The following SHANK2 variants were observed in gnomAD, a reference collection of about 807,000 sequenced individuals.
SHANK2 encodes SH3 and multiple ankyrin repeat domains protein 2.
A neutral mutation model predicts 133.7 loss-of-function variants in SHANK2; 43 were observed. The observed-to-expected ratio is 0.32, with a 90% confidence interval of 0.25 to 0.41. The LOEUF (loss-of-function observed/expected upper bound fraction) is 0.41, where lower values mean the gene tolerates loss of function less well. SHANK2 is among the 10% of genes least tolerant of loss of function. SHANK2 has a pLI of 1.00. For synonymous variants in SHANK2, 1,017 were observed against 952.8 expected (o/e 1.07, Z -1.24); for missense variants, 1,994 against 2,235.8 (o/e 0.89, Z 2.18).
At chr11:70,518,002 C>T (rs1490927989) in intron 17 of SHANK2, among the ~76,000 whole-genome samples, 4 of 152,128 alleles carry the variant, frequency 2.6e-5, no homozygotes, top group African/African-American at 9.7e-5. Context: ...CATTTTTCCC[C>T]ATAAACTCCT....
At chr11:70,691,500 G>A (rs928212962) in intron 15 of SHANK2, among the ~76,000 whole-genome samples, 8 of 152,176 alleles carry the variant, frequency 5.3e-5, no homozygotes, top group African/African-American at 1.7e-4. Flanking sequence ...GGAAGAGCTG[G>A]GCCATCTGTG....
At chr11:71,084,477 G>A (rs1031291349) in intron 8 of SHANK2, among the ~76,000 whole-genome samples, 2 of 152,212 alleles carry the variant, frequency 1.3e-5, no homozygotes, top group African/African-American at 4.8e-5. Flanking sequence ...CAGCATCTGT[G>A]AGCAGGCCTG....
chr11:70,815,569 C>A (rs1363909224), intron 12 of SHANK2, among the ~76,000 whole-genome samples: 2 of 152,222 alleles, frequency 1.3e-5, no homozygotes, highest in Non-Finnish European at 2.9e-5. Context: ...CCAGGCTGGG[C>A]CCGGTGAGCT....
Position 70,483,308 on chromosome 11 carries a change from A to G in SHANK2, c.4979+2006T>C, listed in dbSNP as rs138036801. Among the ~76,000 whole-genome samples, 812 of 152,266 alleles carry G rather than the reference A, an allele frequency of 5.3e-3. 10 individuals carry two copies. Among genetic ancestry groups the G allele is most frequent in the African/African-American group, 0.018 (744 of 41,550 alleles). On this transcript the variant is annotated intron_variant, in intron 25 of 25. Transcript: ENST00000601538. ...AGAAAGTGTTTTGTAAAAATGTGAA[A>G]CACTAAGATAAGGCCTCTTTAATTA...
chr11:70,837,938 C>T (rs1299232744), intron 11 of SHANK2, among the ~76,000 whole-genome samples: 2 of 131,306 alleles, frequency 1.5e-5, no homozygotes, highest in African/African-American at 5.9e-5. Flanking sequence ...GGTGCCATTG[C>T]ACTCCAGCCT....
intron 17 of SHANK2, among the ~76,000 whole-genome samples, chr11:70,636,761 TG>T (rs1302443009): frequency 1.3e-5 from 2 of 151,048 alleles, no homozygotes; most frequent in Admixed American, 6.6e-5. Context: ...TGTGTGAGCA[TG>T]TGTGTGAGCA....
intron 14 of SHANK2, among the ~76,000 whole-genome samples, chr11:70,752,764 A>T (rs747675820): frequency 6.6e-6 from 1 of 151,690 alleles, no homozygotes; most frequent in Non-Finnish European, 1.5e-5. Context: ...TAACCTAACC[A>T]GTATAATAAT....
chr11:70,904,704 C>T (rs1555077527), intron 10 of SHANK2, among the ~76,000 whole-genome samples: 2 of 152,046 alleles, frequency 1.3e-5, no homozygotes, highest in African/African-American at 4.8e-5. Flanking sequence ...GATGGGGTTT[C>T]ACCATGTTAG....
At chr11:70,838,349 C>T (rs1308867940) in intron 11 of SHANK2, among the ~76,000 whole-genome samples, 5 of 152,216 alleles carry the variant, frequency 3.3e-5, no homozygotes, top group Non-Finnish European at 4.4e-5. Flanking sequence ...TTGCACATTG[C>T]ATTTTCCTTC....
At chr11:70,488,861 G>T (rs368017378) in intron 24 of SHANK2, among the ~76,000 whole-genome samples, 1 of 152,218 alleles carries the variant, frequency 6.6e-6, no homozygotes, top group Non-Finnish European at 1.5e-5. Context: ...CAGCCAGCAG[G>T]GTGGCCTGAG....
chr11:70,560,220 C>T (rs1554980540), intron 17 of SHANK2, among the ~76,000 whole-genome samples: 1 of 152,058 alleles, frequency 6.6e-6, no homozygotes, highest in African/African-American at 2.4e-5. Flanking sequence ...CTCTGGACAC[C>T]CCGGTGAGTA....
At chr11:70,854,996 A>G (rs1379365863) in intron 11 of SHANK2, among the ~76,000 whole-genome samples, 1 of 152,206 alleles carries the variant, frequency 6.6e-6, no homozygotes, top group African/African-American at 2.4e-5. Context: ...GATGTTCATG[A>G]CTGTCCATCA....
At chr11:70,873,158 G>A (rs962801603) in intron 11 of SHANK2, 4 of 467,190 alleles carry the variant, frequency 8.6e-6, no homozygotes, top group Non-Finnish European at 1.8e-5. Context: ...AAGAGCCGTT[G>A]CCACAGCAAC....
chr11:70,870,336 G>T (rs1555069940), intron 11 of SHANK2, among the ~76,000 whole-genome samples: 1 of 152,146 alleles, frequency 6.6e-6, no homozygotes, highest in Non-Finnish European at 1.5e-5. Flanking sequence ...TCAGGAAATA[G>T]AAAAAGTGGA....
intron 10 of SHANK2, among the ~76,000 whole-genome samples, chr11:70,949,366 G>A (rs1950800582): frequency 6.6e-6 from 1 of 152,164 alleles, no homozygotes; most frequent in African/African-American, 2.4e-5. Flanking sequence ...CCCCGGGGGC[G>A]CATCATCTTA....
chr11:70,753,077 C>T (rs1591814242), intron 14 of SHANK2, among the ~76,000 whole-genome samples: 1 of 151,924 alleles, frequency 6.6e-6, no homozygotes, highest in East Asian at 1.9e-4. Flanking sequence ...CATGCCACTG[C>T]ACTCCAACCT....
chr11:70,631,395 CA>C (rs2060986531), intron 17 of SHANK2, among the ~76,000 whole-genome samples: 3 of 150,072 alleles, frequency 2.0e-5, no homozygotes, highest in African/African-American at 7.3e-5. Flanking sequence ...CACACACACA[CA>C]CACACACACA....
chr11:70,476,814 G>A (rs994344948), intron 25 of SHANK2, among the ~76,000 whole-genome samples: 2 of 152,202 alleles, frequency 1.3e-5, no homozygotes, highest in Non-Finnish European at 1.5e-5. Flanking sequence ...CAGCTCCACC[G>A]TGGCAGCATG....
intron 15 of SHANK2, among the ~76,000 whole-genome samples, chr11:70,663,225 C>T (rs1467152982): frequency 2.6e-5 from 4 of 152,154 alleles, no homozygotes; most frequent in African/African-American, 4.8e-5. Context: ...CAGAGGAGTG[C>T]GGGTCAGCTC....
Sources: gnomAD v4.1 joint callset for allele counts (sites outside exome capture counted in the v4.1 genomes callset) on GRCh38, gnomAD v4.1.1 for gene constraint, MANE v1.5 for transcripts, NCBI Gene and HGNC (gene_info 2026-07-23, HGNC 2026-07-21) for gene names.